Variants in LHFPL3 observed in about 807,000 individuals in gnomAD.
The protein encoded by LHFPL3 is LHFPL tetraspan subfamily member 3.
A neutral mutation model predicts 19.3 loss-of-function variants in LHFPL3; 5 were observed. That is an observed-to-expected ratio of 0.26 (90% CI 0.14 to 0.54). LHFPL3 has a LOEUF of 0.54. LHFPL3 is among the 20% of genes least tolerant of loss of function. The pLI is 0.94. For synonymous variants in LHFPL3, 133 were observed against 126.2 expected, an observed-to-expected ratio of 1.05 and a Z score of -0.36; for missense variants, 249 against 307.4, an observed-to-expected ratio of 0.81 and a Z score of 1.42.
At chr7:104,349,494 A>G (rs1388881846) in intron 1 of LHFPL3, among the ~76,000 whole-genome samples, 11 of 152,212 alleles carry the variant, frequency 7.2e-5, no homozygotes, top group Non-Finnish European at 1.0e-4. Flanking sequence ...GCTCAGATAC[A>G]TTGTTCACAA....
chr7:104,695,544 C>T (rs750788053), intron 1 of LHFPL3, among the ~76,000 whole-genome samples: 3 of 152,080 alleles, frequency 2.0e-5, no homozygotes, highest in Non-Finnish European at 4.4e-5. Context: ...AATTTGTAAA[C>T]AAGGCCCATG....
At position 104,697,253 on chromosome 7, in the gene LHFPL3, T is replaced by G. The variant is rs192467306; in HGVS notation, c.446-39422T>G. 4.5e-4 allele frequency among the ~76,000 whole-genome samples: 68 copies of G among 152,332 alleles called. 1 individual carries two copies. In the East Asian group the frequency reaches 0.012, roughly 27 times the overall value. ...GCGGGGAGAGCACAAAGATTCAGTC[T>G]ATAGCAAACACCCTCTCCAAAAAGA... On this transcript the variant is annotated intron_variant, in intron 1 of 2. Transcript: ENST00000424859.
intron 1 of LHFPL3, among the ~76,000 whole-genome samples, chr7:104,673,644 C>A (rs2116053237): frequency 1.3e-5 from 2 of 152,254 alleles, no homozygotes; most frequent in South Asian, 2.1e-4. Flanking sequence ...AAGTATGGAA[C>A]AATGAGACAT....
chr7:104,511,809 T>G (rs1407417157), intron 1 of LHFPL3, among the ~76,000 whole-genome samples: 2 of 152,156 alleles, frequency 1.3e-5, no homozygotes, highest in African/African-American at 4.8e-5. Flanking sequence ...CAAAAACCTG[T>G]TGAAATAAAA....
chr7:104,635,554 T>C (rs1292710704), intron 1 of LHFPL3, among the ~76,000 whole-genome samples: 1 of 152,118 alleles, frequency 6.6e-6, no homozygotes, highest in Non-Finnish European at 1.5e-5. Flanking sequence ...AAATGAACTT[T>C]AACCCTGAAT....
rs536971034 is a variant in LHFPL3 at position 104,459,438 on chromosome 7, A to G, written c.445+130214A>G. On this transcript the variant is annotated intron_variant, in intron 1 of 2. Transcript: ENST00000424859. ...TCTTCAGAGGAGTCAAGATAATAAG[A>G]TACATTGGCCAGGAATATTCGTGTG... Among the ~76,000 whole-genome samples the G allele has an allele frequency of 1.1e-4, 16 of 152,340 alleles. No homozygotes were observed. The South Asian group carries it at 3.3e-3, about 32-fold the overall frequency.
intron 2 of LHFPL3, among the ~76,000 whole-genome samples, chr7:104,894,318 A>G (rs1045674558): frequency 2.0e-5 from 3 of 152,232 alleles, no homozygotes; most frequent in African/African-American, 7.2e-5. Context: ...GCTAACAAGT[A>G]GTGCTCAGTA....
intron 1 of LHFPL3, among the ~76,000 whole-genome samples, chr7:104,421,665 GATCTCCGCAGAAACA>G (rs1315578921): frequency 1.1e-4 from 16 of 152,272 alleles, no homozygotes; most frequent in African/African-American, 3.6e-4. Flanking sequence ...AGATAAGATA[GATCTCCGCAGAAACA>G]ATAACATGAG....
At chr7:104,806,814 G>A (rs1790369230) in intron 2 of LHFPL3, among the ~76,000 whole-genome samples, 1 of 152,158 alleles carries the variant, frequency 6.6e-6, no homozygotes, top group Admixed American at 6.5e-5. Context: ...CCACACCTGA[G>A]ATCAGGCACT....
At chr7:104,777,792 A>G (rs1476935633) in intron 2 of LHFPL3, among the ~76,000 whole-genome samples, 1 of 150,930 alleles carries the variant, frequency 6.6e-6, no homozygotes, top group Non-Finnish European at 1.5e-5. Flanking sequence ...TGAGTGACTC[A>G]CCTGAAGATA....
chr7:104,444,208 A>G (rs749860986), intron 1 of LHFPL3, among the ~76,000 whole-genome samples: 2 of 152,194 alleles, frequency 1.3e-5, no homozygotes, highest in Non-Finnish European at 2.9e-5. Flanking sequence ...TAACATGCCT[A>G]CAGAGTGACT....
chr7:104,736,344 C>G (rs990909287), intron 1 of LHFPL3, among the ~76,000 whole-genome samples: 1 of 152,136 alleles, frequency 6.6e-6, no homozygotes, highest in African/African-American at 2.4e-5. Context: ...TAATGGAACC[C>G]TTCCCACAAA....
At chr7:104,637,251 T>C (rs1791745517) in intron 1 of LHFPL3, among the ~76,000 whole-genome samples, 1 of 152,176 alleles carries the variant, frequency 6.6e-6, no homozygotes, top group Non-Finnish European at 1.5e-5. Flanking sequence ...TGTAAATTTG[T>C]TTAAGTTCCT....
At chr7:104,460,381 G>A (rs1251418702) in intron 1 of LHFPL3, among the ~76,000 whole-genome samples, 7 of 152,246 alleles carry the variant, frequency 4.6e-5, no homozygotes, top group African/African-American at 1.7e-4. Context: ...AGGGATTGCT[G>A]GGTCAAGTAG....
chr7:104,594,302 GTTTGGCTGGATATGAAA>G (rs1306736394), intron 1 of LHFPL3, among the ~76,000 whole-genome samples: 1 of 152,172 alleles, frequency 6.6e-6, no homozygotes, highest in African/African-American at 2.4e-5. Flanking sequence ...ATGAAGCTTA[GTTTGGCTGGATATGAAA>G]TTCTGGGTTG....
At chr7:104,809,361 A>T (rs1790424180) in intron 2 of LHFPL3, among the ~76,000 whole-genome samples, 1 of 152,226 alleles carries the variant, frequency 6.6e-6, no homozygotes, top group Admixed American at 6.5e-5. Context: ...TTCTTAGTAC[A>T]TGTGCTGAAG....
intron 1 of LHFPL3, among the ~76,000 whole-genome samples, chr7:104,475,569 A>G (rs1792993552): frequency 6.6e-6 from 1 of 152,200 alleles, no homozygotes; most frequent in Admixed American, 6.5e-5. Flanking sequence ...TATACTTAAA[A>G]TGGTTGAGAT....
chr7:104,514,969 GATA>G (rs1793892696), intron 1 of LHFPL3, among the ~76,000 whole-genome samples: 1 of 152,108 alleles, frequency 6.6e-6, no homozygotes, highest in African/African-American at 2.4e-5. Context: ...CCCAGCCCAT[GATA>G]ACTTGGGAAC....
intron 1 of LHFPL3, among the ~76,000 whole-genome samples, chr7:104,542,730 A>G (rs116396778): frequency 0.014 from 2,069 of 152,230 alleles, 47 homozygotes; most frequent in African/African-American, 0.047. Flanking sequence ...TTCCTTTTTC[A>G]TCTACTTTGC....
Sources: allele counts gnomAD v4.1 joint callset (sites outside exome capture counted in the v4.1 genomes callset), GRCh38; gene constraint gnomAD v4.1.1; transcripts MANE v1.5; gene names NCBI Gene and HGNC (gene_info 2026-07-23, HGNC 2026-07-21).